Variants in CGN observed in about 807,000 individuals in gnomAD.
CGN encodes cingulin.
A neutral mutation model predicts 157.1 loss-of-function variants in CGN; 121 were observed. The ratio of observed to expected loss-of-function variants is 0.77; its 90% confidence interval spans 0.66 to 0.90. The LOEUF (loss-of-function observed/expected upper bound fraction) is 0.90. CGN is among the 40% of genes least tolerant of loss of function. The pLI is 0.00. For missense variants in CGN, 1,424 were observed against 1,520.9 expected (o/e 0.94, Z 1.06); for synonymous variants, 535 against 607.5 (o/e 0.88, Z 1.76).
rs1049826385 is a variant in CGN, at chr1:151,535,148, C to G, written c.2994+17C>G. The G allele has an allele frequency of 1.9e-6, 3 of 1,596,098 alleles. No homozygotes were observed. The highest frequency in any genetic ancestry group is 1.7e-6 in the Non-Finnish European group (2 of 1,164,782). On this transcript the variant is annotated intron_variant, in intron 16 of 20. Transcript: ENST00000271636. The stretch of plus-strand genomic sequence containing the variant: ...CGGGACCAGGTAACCGCCCCCACCC[C>G]TCATCTCTGTTTACCCCTGACTGCA...
chr1:151,526,943 C>T (rs751336594), intron 9 of CGN, 32 bp from the exon 10 acceptor site: 6 of 1,613,888 alleles, frequency 3.7e-6, no homozygotes, highest in Non-Finnish European at 4.2e-6. Context: ...ACTCTGTTCC[C>T]TTTCCCCTTT....
Position 151,537,595 on chromosome 1 carries a change from CA to C in CGN, c.*250del. 1 of 440,556 alleles carries C rather than the reference CA, an allele frequency of 2.3e-6. No homozygotes were observed. Among genetic ancestry groups the C allele is most frequent in the Non-Finnish European group, 4.1e-6 (1 of 246,702 alleles). 27.3% of individuals were successfully genotyped at this position (440,556 alleles called of 1,614,324 possible). A position where few individuals can be genotyped will look rare whatever the true frequency, so the allele number is the denominator to read the frequency against. ...TTTCCTCAAGTGCCGACACCTCCCT[CA>C]TCTCTCTTATAGTGGAAGGATGGTC... On this transcript the variant is annotated 3_prime_UTR_variant, in exon 21 of 21. Transcript: ENST00000271636.
At position 151,518,527 on chromosome 1, in the gene CGN, A is replaced by C; in HGVS notation, c.8A>C (p.Gln3Pro). Reference sequence around the variant, plus strand: ...CTAGGACTCCTCCTATTTATGGAGCAGGCACCCAACATGGCTGAGCCCCGG... The same window carrying C: ...CTAGGACTCCTCCTATTTATGGAGCCGGCACCCAACATGGCTGAGCCCCGG... ME[Q>P]APNMAEPRGP... The change falls in exon 2 of 21, where the codon CAG (glutamine) becomes CCG (proline). Residue 3 changes from glutamine (Q) to proline (P), a missense_variant. Coordinates refer to ENST00000271636, the MANE Select transcript of CGN (RefSeq NM_020770.3). The C allele has an allele frequency of 1.2e-6, 2 of 1,603,016 alleles. No individual in the cohort carries two copies. Among genetic ancestry groups the C allele is most frequent in the South Asian group, 2.2e-5 (2 of 90,672 alleles).
chr1:151,532,612 C>CTTTTTTTTT (rs34388063), intron 14 of CGN, 40 bp downstream of exon 14: 2 of 537,300 alleles, frequency 3.7e-6, no homozygotes, highest in Non-Finnish European at 5.0e-6. Flanking sequence ...GTCCTTGCCT[C>CTTTTTTTTT]TTTTTTTTTT....
At chr1:151,520,793 T>G (rs1664529133) in intron 5 of CGN, 102 bp downstream of exon 5, 2 of 896,360 alleles carry the variant, frequency 2.2e-6, no homozygotes, top group Non-Finnish European at 3.6e-6. Context: ...GGAACAAGCA[T>G]GTTTGTGTCT....
chr1:151,516,873 ATTT>A (rs1245382171), intron 1 of CGN, among the ~76,000 whole-genome samples: 5 of 148,528 alleles, frequency 3.4e-5, no homozygotes, highest in African/African-American at 9.9e-5. Flanking sequence ...ACATTTAAAT[ATTT>A]TTGGCTGGGT....
chr1:151,513,266 G>C (rs1302774110), intron 1 of CGN, among the ~76,000 whole-genome samples: 1 of 152,016 alleles, frequency 6.6e-6, no homozygotes, highest in Non-Finnish European at 1.5e-5. Flanking sequence ...CCTTCCCCTT[G>C]CCTCTCAAAC....
At chr1:151,532,601 G>T in intron 14 of CGN, 29 bp downstream of exon 14, 1 of 1,307,828 alleles carries the variant, frequency 7.6e-7, no homozygotes, top group Non-Finnish European at 1.0e-6. Flanking sequence ...TGGGTTTGAA[G>T]GTCCTTGCCT....
chr1:151,519,246 A>C lies in CGN; in HGVS notation c.727A>C (p.Asn243His). 6.2e-7 allele frequency: 1 copy of C among 1,614,126 alleles called. No individual in the cohort carries two copies. Among genetic ancestry groups the C allele is most frequent in the East Asian group, 2.2e-5 (1 of 44,882 alleles). Reference sequence around the variant, plus strand: ...CTGGACCTCTAGCACAAAATATGACAACCATGTGGGCACTTCGAAGCAGCC... The same window carrying C: ...CTGGACCTCTAGCACAAAATATGACCACCATGTGGGCACTTCGAAGCAGCC... Reference protein sequence around the residue: ...NHWTSSTKYDNHVGTSKQPAQ... With the variant: ...NHWTSSTKYDHHVGTSKQPAQ... The change falls in exon 2 of 21, where the codon AAC becomes CAC. Residue 243 changes from asparagine to histidine, a missense_variant. Physicochemically the swap from Asn to His is moderately conservative, Grantham distance 68 (BLOSUM62 1). Around this residue, in one of 3 missense-constraint regions of CGN, gnomAD observed 1,187 missense variants for 1,217.6 expected, o/e 0.97. Transcript: ENST00000271636.
chr1:151,536,200 T>C, intron 18 of CGN, 37 bp from the exon 19 acceptor site: 1 of 1,299,506 alleles, frequency 7.7e-7, no homozygotes, highest in East Asian at 2.3e-5. Context: ...CCCTTAGAAA[T>C]GGGGACACTC....
At position 151,518,888 on chromosome 1, in the gene CGN, GC is replaced by G; in HGVS notation, c.371del (p.Pro124LeufsTer36). 1 of 1,614,082 alleles carries G rather than the reference GC, an allele frequency of 6.2e-7. No homozygotes were observed. The highest frequency in any genetic ancestry group is 1.1e-5 in the South Asian group (1 of 91,080). ...CGCAGAGCAGCACATCTGATGAGGA[GC>G]CTGGGGCCTACTGGAATGGAAAGCT... ...PSQSSTSDEE[P>X]GAYWNGKLLR... On this transcript the variant is annotated frameshift_variant, in exon 2 of 21. Transcript: ENST00000271636. LOFTEE classifies it high-confidence loss of function.
rs115631509 is a variant in CGN at position 151,532,559 on chromosome 1, G to A, written c.2729G>A (p.Arg910Gln). The A allele has an allele frequency of 1.1e-3, 1,618 of 1,540,882 alleles. 20 individuals are homozygous for A. In the African/African-American group the frequency reaches 0.015, roughly 14 times the overall value. ...GAGAAGACCTCTGGAGGACTGAGCCGACTTCAGGATGAGGTAGAAGTCTAA... is the reference window on the plus strand; with the variant it reads ...GAGAAGACCTCTGGAGGACTGAGCCAACTTCAGGATGAGGTAGAAGTCTAA... ...EAEKTSGGLS[R>Q]LQDEIQRLRQ... The change falls in exon 14 of 21, where the codon CGA becomes CAA. Residue 910 changes from arginine (R) to glutamine (Q), a missense_variant. Arg to Gln is a conservative substitution (Grantham distance 43). Transcript: ENST00000271636.
rs373143714 is a variant in CGN, at chr1:151,529,425, C to G, written c.1972C>G (p.Arg658Gly). 6.8e-6 allele frequency: 11 copies of G among 1,613,760 alleles called. No individual in the cohort carries two copies. In the Admixed American group the frequency reaches 1.7e-4, roughly 24 times the overall value. Residue 658 changes from arginine to glycine, a missense_variant, in exon 11 of 21, where the codon CGG becomes GGG. Around this residue, in one of 3 missense-constraint regions of CGN, gnomAD observed 1,187 missense variants for 1,217.6 expected, o/e 0.97. Transcript: ENST00000271636. ...GAGCCAGGAGGTGGCTGGGCGACAC[C>G]GGGACCGGGAGTTGGAGAAGCAGCT... ...RQSQEVAGRH[R>G]DRELEKQLAV...
chr1:151,523,375 A>G, intron 5 of CGN, 59 bp from the exon 6 acceptor site: 1 of 1,510,686 alleles, frequency 6.6e-7, no homozygotes, highest in Non-Finnish European at 8.9e-7. Context: ...CATTATTCTG[A>G]GTCTTTCTGA....
rs146438873 is a variant in CGN, at chr1:151,537,247, C to T, written c.3513C>T (p.Asn1171=). 1.9e-5 allele frequency: 30 copies of T among 1,613,898 alleles called. No homozygotes were observed. Among genetic ancestry groups the T allele is most frequent in the Middle Eastern group, 1.6e-4 (1 of 6,084 alleles). Residue 1171 remains asparagine (N), a synonymous_variant, in exon 21 of 21, where the codon AAC becomes AAT. Coordinates refer to ENST00000271636, the MANE Select transcript of CGN (RefSeq NM_020770.3). Reference sequence around the variant, plus strand: ...CAGCTGCTGAGTCAGCTCTCAAAAACGAAGGGCTGAGCTCAGATGAGGAAT... The same window carrying T: ...CAGCTGCTGAGTCAGCTCTCAAAAATGAAGGGCTGAGCTCAGATGAGGAAT... ...SRSAAESALK[N]EGLSSDEEFD... is the part of the protein sequence containing the mutation.
rs1310304749 is a variant in CGN, at chr1:151,511,941, G to A, written c.-15+426G>A. Among the ~76,000 whole-genome samples, 1 of 152,178 alleles carries A rather than the reference G, an allele frequency of 6.6e-6. No homozygotes were observed. Among genetic ancestry groups the A allele is most frequent in the Non-Finnish European group, 1.5e-5 (1 of 68,028 alleles). ...GGGAGGGCATCTGCAGGTGCTGCTCGCCTGAGGGTCTTTCCTGCGTCCTGC... is the reference window on the plus strand; with the variant it reads ...GGGAGGGCATCTGCAGGTGCTGCTCACCTGAGGGTCTTTCCTGCGTCCTGC... On this transcript the variant is annotated intron_variant, in intron 1 of 20. Transcript: ENST00000271636. This position sits in a 1 kb window ranked among gnomAD's most constrained non-coding sequence, Gnocchi z 4.8.
At chr1:151,526,738 T>C (rs1261657628) in intron 9 of CGN, among the ~76,000 whole-genome samples, 1 of 152,094 alleles carries the variant, frequency 6.6e-6, no homozygotes, top group Non-Finnish European at 1.5e-5. Flanking sequence ...CCTCCCAAAT[T>C]GCTGGGATTA....
chr1:151,511,887 T>C lies in CGN; in HGVS notation c.-15+372T>C, dbSNP rs1430128945. On this transcript the variant is annotated intron_variant, in intron 1 of 20. Transcript: ENST00000271636. The surrounding 1 kb of genome is among the most constrained non-coding windows in gnomAD (Gnocchi z 4.8). ...AGTTAGTTCCAGCTGAGTCGGGAAC[T>C]GCTGCTGCCTGAGGTGCAGACTCGC... Among the ~76,000 whole-genome samples the C allele has an allele frequency of 2.6e-5, 4 of 152,160 alleles. No individual in the cohort carries two copies. Among genetic ancestry groups the C allele is most frequent in the African/African-American group, 4.8e-5 (2 of 41,450 alleles).
chr1:151,519,622 A>G (rs889941811), intron 2 of CGN, among the ~76,000 whole-genome samples: 1 of 152,308 alleles, frequency 6.6e-6, no homozygotes, highest in African/African-American at 2.4e-5. Context: ...ATCACTATTC[A>G]CAAGTTTGGA....
Sources: gnomAD v4.1 joint callset for allele counts (sites outside exome capture counted in the v4.1 genomes callset) on GRCh38, gnomAD v4.1.1 for gene constraint, gnomAD v4.1.1 regional missense constraint, Gnocchi (gnomAD v3.1) non-coding constraint, MANE v1.5 for transcripts, NCBI Gene and HGNC (gene_info 2026-07-23, HGNC 2026-07-21) for gene names.